SCIN: variants seen among roughly 807,000 people sequenced by gnomAD.
SCIN encodes scinderin, also known as adseverin.
Under a neutral mutation model 91.8 loss-of-function variants are expected in SCIN, and 91 were observed. That is an observed-to-expected ratio of 0.99 (90% CI 0.84 to 1.18). The LOEUF is 1.18. SCIN is among the 50% of genes most tolerant of loss of function. The pLI, the probability that SCIN is intolerant of heterozygous loss-of-function variation, is 0.00. For synonymous variants in SCIN, 367 were observed against 312.6 expected, an observed-to-expected ratio of 1.17 and a Z score of -1.84; for missense variants, 1,087 against 863.9, an observed-to-expected ratio of 1.26 and a Z score of -3.24.
At chr7:12,624,020 G>C (rs1163184276) in intron 5 of SCIN, among the ~76,000 whole-genome samples, 1 of 152,070 alleles carries the variant, frequency 6.6e-6, no homozygotes, top group African/African-American at 2.4e-5. Flanking sequence ...CTCCCTCCTG[G>C]ACAGCATTAT....
intron 4 of SCIN, among the ~76,000 whole-genome samples, chr7:12,609,651 A>AT (rs767903841): frequency 1.3e-4 from 20 of 152,060 alleles, no homozygotes; most frequent in Non-Finnish European, 2.5e-4. Flanking sequence ...AACAACAACA[A>AT]TTTTTTTTAT....
rs1334596817 is a variant in SCIN at position 12,657,816 on chromosome 7, G to A, written c.*5101G>A. The stretch of plus-strand genomic sequence containing the variant: ...TTATAATTGACTATGGCATTTGCAT[G>A]CATTTCATCATGTCTCCATTTCTTC... On this transcript the variant is annotated 3_prime_UTR_variant, in exon 16 of 16. Coordinates refer to ENST00000297029, the MANE Select transcript of SCIN (RefSeq NM_001112706.3). 2.6e-5 allele frequency: 4 copies of A among 151,298 alleles called. No individual in the cohort carries two copies. Among genetic ancestry groups the A allele is most frequent in the Non-Finnish European group, 5.9e-5 (4 of 67,820 alleles). The allele number at this position is 151,298 out of a possible 1,614,324, so 9.4% of individuals were successfully genotyped here.
chr7:12,648,723 CTG>C (rs970309301), intron 13 of SCIN, among the ~76,000 whole-genome samples: 3 of 152,094 alleles, frequency 2.0e-5, no homozygotes, highest in Non-Finnish European at 4.4e-5. Flanking sequence ...TCATAAAGGA[CTG>C]GAAGTACAGA....
chr7:12,576,221 C>T lies in SCIN; in HGVS notation c.200-1843C>T, dbSNP rs554220289. On this transcript the variant is annotated intron_variant, in intron 1 of 15. Transcript: ENST00000297029. ...CTTTATGGTATTCTCAGTTAGGGTT[C>T]GGATCCCAAATCGGCAGAAGAATGA... Among the ~76,000 whole-genome samples, 19 of 152,218 alleles carry T rather than the reference C, an allele frequency of 1.2e-4. No individual in the cohort carries two copies. The South Asian group carries it at 2.7e-3, about 22-fold the overall frequency.
In SCIN at chr7:12,579,058, C is replaced by T. The variant is rs1160114850; in HGVS notation, c.354+840C>T. On this transcript the variant is annotated intron_variant, in intron 2 of 15. Coordinates refer to ENST00000297029, the MANE Select transcript of SCIN (RefSeq NM_001112706.3). Reference sequence around the variant, plus strand: ...CATCACAGATTTCCGAAATCAAACACGCTCCAGCAAGTGTTCTGCACACCC... The same window carrying T: ...CATCACAGATTTCCGAAATCAAACATGCTCCAGCAAGTGTTCTGCACACCC... 4.0e-5 allele frequency among the ~76,000 whole-genome samples: 6 copies of T among 151,824 alleles called. No individual in the cohort carries two copies. In the East Asian group the frequency reaches 7.7e-4, roughly 20 times the overall value.
chr7:12,647,256 C>A (rs1196954492), intron 13 of SCIN, among the ~76,000 whole-genome samples: 1 of 152,188 alleles, frequency 6.6e-6, no homozygotes. Flanking sequence ...TTCCTCTGCA[C>A]CAACTCATTT....
intron 4 of SCIN, among the ~76,000 whole-genome samples, chr7:12,615,502 G>A (rs1291631502): frequency 6.6e-6 from 1 of 152,038 alleles, no homozygotes; most frequent in African/African-American, 2.4e-5. Context: ...AGTTTCTTGA[G>A]GCATCCCCAG....
intron 4 of SCIN, among the ~76,000 whole-genome samples, chr7:12,607,876 T>C (rs1361171454): frequency 6.6e-6 from 1 of 152,178 alleles, no homozygotes; most frequent in African/African-American, 2.4e-5. Flanking sequence ...ATGATAAGGA[T>C]AGAATACAAA....
In SCIN at chr7:12,657,197, A is replaced by T. The variant is rs1583330171; in HGVS notation, c.*4482A>T. ...CAAAAATGCATACATGTGTGTACTAAAGGATATAATATGATTTTTTTTTTT... is the reference window on the plus strand; with the variant it reads ...CAAAAATGCATACATGTGTGTACTATAGGATATAATATGATTTTTTTTTTT... On this transcript the variant is annotated 3_prime_UTR_variant, in exon 16 of 16. Coordinates refer to ENST00000297029, the MANE Select transcript of SCIN (RefSeq NM_001112706.3). 6.7e-6 allele frequency: 1 copy of T among 149,656 alleles called. No homozygotes were observed. The highest frequency in any genetic ancestry group is 2.5e-5 in the African/African-American group (1 of 40,288). The allele number at this position is 149,656 out of a possible 1,614,324, so 9.3% of individuals were successfully genotyped here. A position where few individuals can be genotyped will look rare whatever the true frequency, so the allele number is the denominator to read the frequency against.
At chr7:12,636,217 G>A (rs1783749276) in intron 10 of SCIN, 82 bp downstream of exon 10, 1 of 956,276 alleles carries the variant, frequency 1.0e-6, no homozygotes, top group Non-Finnish European at 1.6e-6. Flanking sequence ...CTCCCAAGTT[G>A]GGATAGAAAT....
Position 12,626,788 on chromosome 7 carries a change from G to C in SCIN, c.1186G>C (p.Gly396Arg), listed in dbSNP as rs1457665364. ...AQHNMVDDGS[G>R]KVEIWRVENN... Reference sequence around the variant, plus strand: ...GCACAATATGGTGGATGATGGTTCTGGCAAAGTGGAGGTATTTACCTGTTT... The same window carrying C: ...GCACAATATGGTGGATGATGGTTCTCGCAAAGTGGAGGTATTTACCTGTTT... The change falls in exon 8 of 16, where the codon GGC becomes CGC. Residue 396 changes from glycine to arginine, a missense_variant. Physicochemically the swap from Gly to Arg is moderately radical, Grantham distance 125 (BLOSUM62 -2). Coordinates refer to ENST00000297029, the MANE Select transcript of SCIN (RefSeq NM_001112706.3). 6.2e-7 allele frequency: 1 copy of C among 1,607,930 alleles called. No individual in the cohort carries two copies. Among genetic ancestry groups the C allele is most frequent in the Admixed American group, 1.7e-5 (1 of 59,324 alleles).
intron 13 of SCIN, among the ~76,000 whole-genome samples, chr7:12,648,401 AT>A (rs1437086323): frequency 1.3e-5 from 2 of 151,292 alleles, no homozygotes; most frequent in Non-Finnish European, 2.9e-5. Context: ...GGTTCAAGCA[AT>A]TCTCCTACAT....
chr7:12,631,712 G>A (rs1012377898), intron 9 of SCIN, among the ~76,000 whole-genome samples: 6 of 152,134 alleles, frequency 3.9e-5, no homozygotes, highest in South Asian at 4.1e-4. Flanking sequence ...CTTGACTTTG[G>A]ACTTCTCACC....
chr7:12,645,541 A>G (rs1783948678), intron 13 of SCIN, among the ~76,000 whole-genome samples: 1 of 152,152 alleles, frequency 6.6e-6, no homozygotes, highest in Non-Finnish European at 1.5e-5. Context: ...TTCGTTACAT[A>G]GGTAAACTTG....
intron 9 of SCIN, among the ~76,000 whole-genome samples, chr7:12,630,565 G>A (rs1226050601): frequency 3.3e-5 from 5 of 152,170 alleles, no homozygotes; most frequent in East Asian, 1.9e-4. Flanking sequence ...ACACTCTGAC[G>A]CCACAGTCAA....
At chr7:12,605,113 A>G (rs888019087) in intron 4 of SCIN, among the ~76,000 whole-genome samples, 10 of 151,988 alleles carry the variant, frequency 6.6e-5, no homozygotes, top group Admixed American at 3.9e-4. Context: ...GTGCAGTGGC[A>G]CGATCTCCAC....
chr7:12,591,341 G>T (rs1048443197), intron 3 of SCIN, among the ~76,000 whole-genome samples: 11 of 152,124 alleles, frequency 7.2e-5, no homozygotes, highest in African/African-American at 2.7e-4. Context: ...GTGGACGGTG[G>T]TATTCTGGCT....
chr7:12,572,320 A>T (rs540571997), intron 1 of SCIN, among the ~76,000 whole-genome samples: 1 of 152,204 alleles, frequency 6.6e-6, no homozygotes, highest in African/African-American at 2.4e-5. Flanking sequence ...TGTTATTCCT[A>T]TTATAATGTT....
Position 12,649,616 on chromosome 7 carries a change from A to G in SCIN, c.1959+72A>G, listed in dbSNP as rs548839703. On this transcript the variant is annotated intron_variant, in intron 14 of 15. Transcript: ENST00000297029. Reference sequence around the variant, plus strand: ...GAGATGACAGAACTTGATCTGAGAAATGGTAAGTCTAGATATAAATGAGCC... The same window carrying G: ...GAGATGACAGAACTTGATCTGAGAAGTGGTAAGTCTAGATATAAATGAGCC... The G allele has an allele frequency of 4.3e-5, 42 of 973,252 alleles. No individual in the cohort carries two copies. The Middle Eastern group carries it at 6.2e-4, about 14-fold the overall frequency. The allele number at this position is 973,252 out of a possible 1,614,324, so 60.3% of individuals were successfully genotyped here. A position where few individuals can be genotyped will look rare whatever the true frequency, so the allele number is the denominator to read the frequency against.
Sources: allele counts gnomAD v4.1 joint callset (sites outside exome capture counted in the v4.1 genomes callset), GRCh38; gene constraint gnomAD v4.1.1; transcripts MANE v1.5; gene names NCBI Gene and HGNC (gene_info 2026-07-23, HGNC 2026-07-21).